Variants in ZNF470 observed in about 807,000 individuals in gnomAD.
ZNF470 encodes chondrogenesis zinc finger protein 1.
A neutral mutation model predicts 13.9 loss-of-function variants in ZNF470; 13 were observed. The ratio of observed to expected loss-of-function variants is 0.94; its 90% confidence interval spans 0.61 to 1.49. The LOEUF is 1.49. Among genes scored for constraint, ZNF470 ranks in the 40% most tolerant of loss-of-function variants. The pLI is 0.00. For synonymous variants in ZNF470, 293 were observed against 282.9 expected, an observed-to-expected ratio of 1.04 and a Z score of -0.36; for missense variants, 929 against 857.3, an observed-to-expected ratio of 1.08 and a Z score of -1.04.
intron 3 of ZNF470, among the ~76,000 whole-genome samples, chr19:56,571,097 A>G (rs2044448822): frequency 6.6e-6 from 1 of 152,224 alleles, no homozygotes; most frequent in Admixed American, 6.5e-5. Context: ...GAGGAAGTGC[A>G]GGCATATGGG....
chr19:56,578,912 A>AT lies in ZNF470; in HGVS notation c.*331dup. On this transcript the variant is annotated 3_prime_UTR_variant, in exon 6 of 6. Transcript: ENST00000330619. ...TAAAGGTTTCCTTACAAACTATCAT[A>AT]TTAAGCAGCAAGTAAACCAAACAGT... The AT allele has an allele frequency of 9.6e-7, 1 of 1,036,992 alleles. No homozygotes were observed. The highest frequency in any genetic ancestry group is 1.2e-6 in the Non-Finnish European group (1 of 864,030). The allele number at this position is 1,036,992 out of a possible 1,614,324, so 64.2% of individuals were successfully genotyped here. A position where few individuals can be genotyped will look rare whatever the true frequency, so the allele number is the denominator to read the frequency against.
At chr19:56,572,532 A>G (rs1162088776) in intron 3 of ZNF470, among the ~76,000 whole-genome samples, 1 of 118,304 alleles carries the variant, frequency 8.5e-6, no homozygotes, top group Non-Finnish European at 1.8e-5. Context: ...ACAGAACAAG[A>G]CCCTGTCTCA....
intron 3 of ZNF470, among the ~76,000 whole-genome samples, chr19:56,572,389 T>TATATAA (rs1176889939): frequency 3.6e-4 from 14 of 38,938 alleles, no homozygotes; most frequent in African/African-American, 8.7e-4. Context: ...TATATATATA[T>TATATAA]AAATTAGCCA....
Position 56,567,703 on chromosome 19 carries a change from G to A in ZNF470, c.-494G>A, listed in dbSNP as rs2044421083. ...AGGGGCGAGCGCGCGCGGGGATGGC[G>A]GCCCGGTGTGTGACTGTCCGGTGCG... On this transcript the variant is annotated 5_prime_UTR_variant, in exon 1 of 6. Coordinates refer to ENST00000330619, the MANE Select transcript of ZNF470 (RefSeq NM_001001668.4). The A allele has an allele frequency of 2.0e-6, 2 of 988,442 alleles. No individual in the cohort carries two copies. The highest frequency in any genetic ancestry group is 2.4e-6 in the Non-Finnish European group (2 of 832,388). 61.2% of individuals were successfully genotyped at this position (988,442 alleles called of 1,614,324 possible). A position where few individuals can be genotyped will look rare whatever the true frequency, so the allele number is the denominator to read the frequency against.
intron 5 of ZNF470, among the ~76,000 whole-genome samples, 183 bp from the exon 6 acceptor site, chr19:56,576,530 C>T (rs1318354443): frequency 6.6e-6 from 1 of 152,042 alleles, no homozygotes; most frequent in African/African-American, 2.4e-5. Flanking sequence ...TATACCATGG[C>T]CAAGGAGGAT....
At chr19:56,570,641 C>CT (rs927120345) in intron 3 of ZNF470, among the ~76,000 whole-genome samples, 21 of 152,286 alleles carry the variant, frequency 1.4e-4, no homozygotes, top group African/African-American at 4.8e-4. Context: ...TGTGCTCAGT[C>CT]TTTTCATAGG....
At position 56,580,257 on chromosome 19, in the gene ZNF470, C is replaced by A; in HGVS notation, c.*1674C>A. Reference sequence around the variant, plus strand: ...CCCAAGGCAGATATTGTTTATGATGCTTTGAGTGTTGGAGGAAGGGAGGAT... The same window carrying A: ...CCCAAGGCAGATATTGTTTATGATGATTTGAGTGTTGGAGGAAGGGAGGAT... On this transcript the variant is annotated 3_prime_UTR_variant, in exon 6 of 6. Coordinates refer to ENST00000330619, the MANE Select transcript of ZNF470 (RefSeq NM_001001668.4). 2.9e-6 allele frequency: 2 copies of A among 685,390 alleles called. No individual in the cohort carries two copies. The highest frequency in any genetic ancestry group is 3.6e-6 in the Non-Finnish European group (2 of 556,968). The allele number at this position is 685,390 out of a possible 1,614,324, so 42.5% of individuals were successfully genotyped here.
rs2044520202 is a variant in ZNF470, at chr19:56,579,595, G to A, written c.*1012G>A. 1 of 985,274 alleles carries A rather than the reference G, an allele frequency of 1.0e-6. No homozygotes were observed. Among genetic ancestry groups the A allele is most frequent in the Non-Finnish European group, 1.2e-6 (1 of 829,928 alleles). The allele number at this position is 985,274 out of a possible 1,614,324, so 61.0% of individuals were successfully genotyped here. The stretch of plus-strand genomic sequence containing the variant: ...AAAAGTACCACAGACAATTCGTGTG[G>A]TATTTAAATTGTTCTAGCATAAAAT... On this transcript the variant is annotated 3_prime_UTR_variant, in exon 6 of 6. Coordinates refer to ENST00000330619, the MANE Select transcript of ZNF470 (RefSeq NM_001001668.4).
At position 56,577,534 on chromosome 19, in the gene ZNF470, G is replaced by A. The variant is rs1455057669; in HGVS notation, c.1105G>A (p.Glu369Lys). 1 of 1,614,086 alleles carries A rather than the reference G, an allele frequency of 6.2e-7. No homozygotes were observed. Among genetic ancestry groups the A allele is most frequent in the South Asian group, 1.1e-5 (1 of 91,082 alleles). ...GATTCACACTGGGAAAAGACCTTAT[G>A]AATGTATTGACTGTGGGAAAGCTTT... ...RRIHTGKRPY[E>K]CIDCGKAFRQ... is the part of the protein sequence containing the mutation. Residue 369 changes from glutamate (E) to lysine (K), a missense_variant, in exon 6 of 6, where the codon GAA (glutamate) becomes AAA (lysine). By Grantham distance (56) the Glu-to-Lys change is moderately conservative (BLOSUM62 1). Transcript: ENST00000330619.
At chr19:56,573,530 A>G (rs2044469235) in intron 3 of ZNF470, among the ~76,000 whole-genome samples, 1 of 152,244 alleles carries the variant, frequency 6.6e-6, no homozygotes, top group South Asian at 2.1e-4. Flanking sequence ...TCTCCCAGTA[A>G]CAGTCCAGTG....
rs2147976997 is a variant in ZNF470, at chr19:56,567,913, G to C, written c.-284G>C. On this transcript the variant is annotated 5_prime_UTR_variant, in exon 1 of 6. Coordinates refer to ENST00000330619, the MANE Select transcript of ZNF470 (RefSeq NM_001001668.4). Reference sequence around the variant, plus strand: ...CAAAGTCCTAGAGCCCGGGGAAGTTGCCCGGGCGGGGCAGCCTCGGCTGAA... The same window carrying C: ...CAAAGTCCTAGAGCCCGGGGAAGTTCCCCGGGCGGGGCAGCCTCGGCTGAA... 2 of 985,672 alleles carry C rather than the reference G, an allele frequency of 2.0e-6. No individual in the cohort carries two copies. The highest frequency in any genetic ancestry group is 1.1e-4 in the East Asian group (1 of 8,796). 61.1% of individuals were successfully genotyped at this position (985,672 alleles called of 1,614,324 possible). A position where few individuals can be genotyped will look rare whatever the true frequency, so the allele number is the denominator to read the frequency against.
At chr19:56,571,589 G>A (rs1215068519) in intron 3 of ZNF470, among the ~76,000 whole-genome samples, 1 of 151,462 alleles carries the variant, frequency 6.6e-6, no homozygotes, top group African/African-American at 2.4e-5. Flanking sequence ...AAATGGAGTA[G>A]TTAAGTTTTC....
Position 56,580,852 on chromosome 19 carries a change from GA to G in ZNF470, c.*2273del. On this transcript the variant is annotated 3_prime_UTR_variant, in exon 6 of 6. Transcript: ENST00000330619. ...AAAAAGGATTTTTCATTGTAGTGGG[GA>G]AAAGGTGGTTTGATCAAATGGCATT... 1 of 985,300 alleles carries G rather than the reference GA, an allele frequency of 1.0e-6. No homozygotes were observed. The highest frequency in any genetic ancestry group is 1.2e-6 in the Non-Finnish European group (1 of 829,864). The allele number at this position is 985,300 out of a possible 1,614,324, so 61.0% of individuals were successfully genotyped here.
At chr19:56,568,116 C>T (rs1006559236) in intron 1 of ZNF470, 78 bp downstream of exon 1, 2 of 985,826 alleles carry the variant, frequency 2.0e-6, no homozygotes, top group East Asian at 2.3e-4. Context: ...GGTTCAGGTG[C>T]TGGAGGAGGA....
Position 56,582,073 on chromosome 19 carries a change from T to C in ZNF470, c.*3490T>C. On this transcript the variant is annotated 3_prime_UTR_variant, in exon 6 of 6. Transcript: ENST00000330619. ...GATTGGGTAATGGGCATTAGAATCT[T>C]TGGAAAAATCAGGTATTGGGAGTTG... 1 of 985,396 alleles carries C rather than the reference T, an allele frequency of 1.0e-6. No individual in the cohort carries two copies. The highest frequency in any genetic ancestry group is 1.2e-6 in the Non-Finnish European group (1 of 829,920). 61.0% of individuals were successfully genotyped at this position (985,396 alleles called of 1,614,324 possible). A position where few individuals can be genotyped will look rare whatever the true frequency, so the allele number is the denominator to read the frequency against.
At chr19:56,568,412 G>C (rs1312225597) in intron 1 of ZNF470, among the ~76,000 whole-genome samples, 1 of 152,134 alleles carries the variant, frequency 6.6e-6, no homozygotes, top group Non-Finnish European at 1.5e-5. Flanking sequence ...ATCTATCACT[G>C]TAGGATTTGG....
chr19:56,569,554 G>A (rs1568493099), intron 2 of ZNF470, among the ~76,000 whole-genome samples: 1 of 152,168 alleles, frequency 6.6e-6, no homozygotes, highest in Non-Finnish European at 1.5e-5. Flanking sequence ...GTGACTTGTG[G>A]AAAAGACTTG....
At position 56,582,543 on chromosome 19, in the gene ZNF470, C is replaced by T. The variant is rs1167488589; in HGVS notation, c.*3960C>T. The stretch of plus-strand genomic sequence containing the variant: ...GTGAATTCAGTTCTGAATTGTGTTC[C>T]CACCAGCACCACCAAATGCTGGCCT... On this transcript the variant is annotated 3_prime_UTR_variant, in exon 6 of 6. Coordinates refer to ENST00000330619, the MANE Select transcript of ZNF470 (RefSeq NM_001001668.4). 1 of 985,202 alleles carries T rather than the reference C, an allele frequency of 1.0e-6. No individual in the cohort carries two copies. The highest frequency in any genetic ancestry group is 1.2e-6 in the Non-Finnish European group (1 of 829,912). 61.0% of individuals were successfully genotyped at this position (985,202 alleles called of 1,614,324 possible).
At chr19:56,570,657 G>T (rs2147979984) in intron 3 of ZNF470, among the ~76,000 whole-genome samples, 1 of 152,264 alleles carries the variant, frequency 6.6e-6, no homozygotes, top group Non-Finnish European at 1.5e-5. Flanking sequence ...ATAGGCATCT[G>T]ACAAAGCAGA....
Sources: gnomAD v4.1 joint callset for allele counts (sites outside exome capture counted in the v4.1 genomes callset) on GRCh38, gnomAD v4.1.1 for gene constraint, MANE v1.5 for transcripts, NCBI Gene and HGNC (gene_info 2026-07-23, HGNC 2026-07-21) for gene names.